The following NPNT variants were observed in gnomAD, a reference collection of about 807,000 sequenced individuals.
NPNT encodes preosteoblast EGF-like repeat protein with MAM domain.
In NPNT, 45 loss-of-function variants were observed where a neutral mutation model predicts 68.6. The observed-to-expected ratio is 0.66, with a 90% confidence interval of 0.52 to 0.84. NPNT has a LOEUF of 0.84. Ranked by LOEUF, NPNT falls within the 40% of genes least tolerant of loss-of-function variation. The probability of loss-of-function intolerance (pLI) is 0.00; values close to 1 mark genes in which losing one functional copy is unlikely to be tolerated. For missense variants in NPNT, 672 were observed against 714.8 expected, an observed-to-expected ratio of 0.94 and a Z score of 0.68; for synonymous variants, 233 against 253.3, an observed-to-expected ratio of 0.92 and a Z score of 0.76.
At chr4:105,896,098 A>C in intron 1 of NPNT, 1 of 228,798 alleles carries the variant, frequency 4.4e-6, no homozygotes, top group Non-Finnish European at 8.6e-6. Flanking sequence ...CCGCGCCTGA[A>C]CTAGACGGCT....
chr4:105,926,259 G>A (rs192123843), intron 2 of NPNT, among the ~76,000 whole-genome samples: 224 of 152,254 alleles, frequency 1.5e-3, no homozygotes, highest in African/African-American at 4.9e-3. Flanking sequence ...AATAAGAAAC[G>A]TGGTTTTGTA....
chr4:105,908,082 G>C (rs1257965588), intron 2 of NPNT, among the ~76,000 whole-genome samples: 1 of 152,086 alleles, frequency 6.6e-6, no homozygotes, highest in Non-Finnish European at 1.5e-5. Context: ...GGAGGAAACA[G>C]ATATGAATAA....
intron 11 of NPNT, among the ~76,000 whole-genome samples, chr4:105,967,968 A>G (rs532617335): frequency 6.6e-6 from 1 of 152,278 alleles, no homozygotes; most frequent in South Asian, 2.1e-4. Flanking sequence ...GGAAAGCACT[A>G]TTCTATTCAG....
chr4:105,912,261 A>G, intron 2 of NPNT: 1 of 1,510,718 alleles, frequency 6.6e-7, no homozygotes, highest in Non-Finnish European at 8.9e-7. Context: ...TATTTCTTGA[A>G]ATAATTTTGG....
chr4:105,898,328 G>GTCTGTC (rs1726082944), intron 2 of NPNT, among the ~76,000 whole-genome samples: 9 of 53,982 alleles, frequency 1.7e-4, no homozygotes, highest in Admixed American at 1.3e-3. Flanking sequence ...CTCTCTCTCT[G>GTCTGTC]TCTCTCTCTC....
intron 3 of NPNT, among the ~76,000 whole-genome samples, chr4:105,936,243 C>A (rs995515677): frequency 2.6e-5 from 4 of 152,122 alleles, no homozygotes; most frequent in African/African-American, 9.7e-5. Context: ...CCTTTTTTAA[C>A]TGCGGAATAA....
chr4:105,938,560 C>A, intron 5 of NPNT, 140 bp downstream of exon 5: 1 of 825,416 alleles, frequency 1.2e-6, no homozygotes, highest in Non-Finnish European at 1.8e-6. Flanking sequence ...TCAGATGTCT[C>A]AGAAGAGGAC....
chr4:105,898,100 A>G, intron 2 of NPNT, 99 bp downstream of exon 2: 1 of 790,202 alleles, frequency 1.3e-6, no homozygotes, highest in Non-Finnish European at 2.0e-6. Context: ...TTACTGAGCA[A>G]GGCTTGGCCT....
chr4:105,936,448 T>TTGGGA (rs5860817), intron 3 of NPNT, among the ~76,000 whole-genome samples: 131,474 of 151,880 alleles, frequency 0.87, 57,494 homozygotes, highest in East Asian at 1. Context: ...TAGCCTTCCT[T>TTGGGA]TGGGAAGGTC....
intron 8 of NPNT, among the ~76,000 whole-genome samples, chr4:105,950,582 C>T (rs936223343): frequency 4.0e-4 from 61 of 152,032 alleles, no homozygotes; most frequent in Non-Finnish European, 1.2e-4. Flanking sequence ...GGATTACAGG[C>T]GTGCACCACC....
intron 10 of NPNT, among the ~76,000 whole-genome samples, chr4:105,966,650 A>G (rs1732160608): frequency 6.6e-6 from 1 of 151,860 alleles, no homozygotes; most frequent in African/African-American, 2.4e-5. Context: ...TTTTTTTTTA[A>G]AGAACCTTTA....
At chr4:105,963,220 G>A (rs1014717132) in intron 10 of NPNT, among the ~76,000 whole-genome samples, 2 of 148,714 alleles carry the variant, frequency 1.3e-5, no homozygotes, top group East Asian at 3.9e-4. Context: ...GCAAGACTCC[G>A]TCAAAAAAAA....
rs754107030 is a variant in NPNT, at chr4:105,970,513, G to T, written c.*1523G>T. 2.9e-6 allele frequency: 2 copies of T among 687,556 alleles called. No individual in the cohort carries two copies. Among genetic ancestry groups the T allele is most frequent in the South Asian group, 3.0e-5 (2 of 67,038 alleles). The allele number at this position is 687,556 out of a possible 1,614,324, so 42.6% of individuals were successfully genotyped here. ...ATTGATGGTTTTCAAGTATATGAAG[G>T]GTTGGCACAGAGAGGGTGGCGACCA... On this transcript the variant is annotated 3_prime_UTR_variant, in exon 12 of 12. Transcript: ENST00000379987.
chr4:105,895,673 G>A lies in NPNT; in HGVS notation c.21G>A (p.Leu7=), dbSNP rs1410819723. Residue 7 remains leucine (L), a synonymous_variant, in exon 1 of 12, where the codon CTG becomes CTA. Coordinates refer to ENST00000379987, the MANE Select transcript of NPNT (RefSeq NM_001033047.3). Reference sequence around the variant, plus strand: ...CCAACATGGATTTTCTCCTGGCGCTGGTGCTGGTATCCTCGCTCTACCTGC... The same window carrying A: ...CCAACATGGATTTTCTCCTGGCGCTAGTGCTGGTATCCTCGCTCTACCTGC... MDFLLA[L]VLVSSLYLQA... is the part of the protein sequence containing the mutation. The A allele has an allele frequency of 2.6e-6, 4 of 1,552,830 alleles. No individual in the cohort carries two copies. The Admixed American group carries it at 7.8e-5, about 30-fold the overall frequency.
intron 2 of NPNT, among the ~76,000 whole-genome samples, chr4:105,916,444 A>G (rs911073950): frequency 1.3e-5 from 2 of 149,512 alleles, no homozygotes; most frequent in African/African-American, 4.9e-5. Flanking sequence ...CTGGTCTTGA[A>G]CTCCTGAGCT....
intron 3 of NPNT, chr4:105,929,666 C>A (rs1728959449): frequency 6.6e-6 from 1 of 151,796 alleles, no homozygotes; most frequent in Non-Finnish European, 1.5e-5. Flanking sequence ...TCAGAGGTTT[C>A]ATTAATATAT....
rs1732250027 is a variant in NPNT, at chr4:105,967,401, G to A, written c.1559G>A (p.Trp520Ter). 1.2e-6 allele frequency: 2 copies of A among 1,604,314 alleles called. No individual in the cohort carries two copies. Among genetic ancestry groups the A allele is most frequent in the Non-Finnish European group, 1.7e-6 (2 of 1,175,810 alleles). The change falls in exon 11 of 12, where the codon TGG becomes TAG. Residue 520 changes from tryptophan to a stop codon, truncating the protein, a stop_gained. Coordinates refer to ENST00000379987, the MANE Select transcript of NPNT (RefSeq NM_001033047.3). LOFTEE classifies it high-confidence loss of function. ...TGGGGAAGAAATGGTGGCCATGGCT[G>A]GAGGCAAACACAGATCACCTTGCGA... ...ALWGRNGGHG[W>*]RQTQITLRGA...
intron 3 of NPNT, chr4:105,932,712 G>A (rs1230238901): frequency 6.5e-7 from 1 of 1,530,118 alleles, no homozygotes; most frequent in South Asian, 1.2e-5. Context: ...GGGTGAGCGT[G>A]CATTGTCCCA....
chr4:105,910,786 AT>A (rs1404871232), intron 2 of NPNT, among the ~76,000 whole-genome samples: 1 of 152,170 alleles, frequency 6.6e-6, no homozygotes, highest in Non-Finnish European at 1.5e-5. Flanking sequence ...TTCAAGGCTA[AT>A]TTATGCCAAG....
Sources: allele counts gnomAD v4.1 joint callset (sites outside exome capture counted in the v4.1 genomes callset), GRCh38; gene constraint gnomAD v4.1.1; transcripts MANE v1.5; gene names NCBI Gene and HGNC (gene_info 2026-07-23, HGNC 2026-07-21).